Variants in MYRFL observed in about 807,000 individuals in gnomAD.
MYRFL encodes myelin regulatory factor like.
A neutral mutation model predicts 109.4 loss-of-function variants in MYRFL; 88 were observed. The ratio of observed to expected loss-of-function variants is 0.80; its 90% CI spans 0.68 to 0.96. MYRFL has a LOEUF of 0.96. Among genes scored for constraint, MYRFL ranks in the 40% least tolerant of loss-of-function variants. The probability of loss-of-function intolerance (pLI) is 0.00; values close to 1 mark genes in which losing one functional copy is unlikely to be tolerated. For synonymous variants in MYRFL, 324 were observed against 320.9 expected, an observed-to-expected ratio of 1.01 and a Z score of -0.10; for missense variants, 957 against 954.9, an observed-to-expected ratio of 1.00 and a Z score of -0.03.
At chr12:69,929,914 G>A (rs1380810196) in intron 15 of MYRFL, among the ~76,000 whole-genome samples, 2 of 152,222 alleles carry the variant, frequency 1.3e-5, no homozygotes, top group African/African-American at 2.4e-5. Flanking sequence ...GCACTTAGAA[G>A]GGTGCATGGC....
chr12:69,837,281 C>A (rs573703562), intron 1 of MYRFL, among the ~76,000 whole-genome samples: 1 of 152,280 alleles, frequency 6.6e-6, no homozygotes, highest in South Asian at 2.1e-4. Context: ...CTTCTATCCT[C>A]CTCTCACTCA....
At chr12:69,906,530 G>A (rs1166993371) in intron 11 of MYRFL, among the ~76,000 whole-genome samples, 1 of 151,850 alleles carries the variant, frequency 6.6e-6, no homozygotes, top group East Asian at 1.9e-4. Flanking sequence ...GGTGAAGGCT[G>A]AAAAAAGGTA....
At chr12:69,848,728 T>G (rs538686775) in intron 1 of MYRFL, among the ~76,000 whole-genome samples, 3 of 152,210 alleles carry the variant, frequency 2.0e-5, no homozygotes, top group Admixed American at 6.5e-5. Context: ...ATTTTCTTGA[T>G]TAAGTGGGAT....
intron 2 of MYRFL, among the ~76,000 whole-genome samples, chr12:69,861,270 G>A (rs887592270): frequency 1.3e-3 from 199 of 152,096 alleles, no homozygotes; most frequent in Non-Finnish European, 2.4e-3. Context: ...CCCAGTAATG[G>A]GATGGCTGGG....
At chr12:69,956,201 A>C (rs73324221) in intron 22 of MYRFL, among the ~76,000 whole-genome samples, 6 of 151,892 alleles carry the variant, frequency 4.0e-5, no homozygotes, top group African/African-American at 1.2e-4. Flanking sequence ...AAAAAAAAAA[A>C]AACACATTCT....
chr12:69,921,257 G>A (rs537599264), intron 13 of MYRFL, among the ~76,000 whole-genome samples: 24 of 152,172 alleles, frequency 1.6e-4, no homozygotes, highest in Middle Eastern at 3.4e-3. Context: ...GCCCAGGCTG[G>A]TCTTCGAACT....
intron 8 of MYRFL, among the ~76,000 whole-genome samples, chr12:69,894,953 A>C (rs571883887): frequency 5.9e-5 from 9 of 152,336 alleles, no homozygotes; most frequent in African/African-American, 2.2e-4. Flanking sequence ...CTGCTAGGCT[A>C]AGAGAGGCAA....
chr12:69,952,543 A>G (rs533718864), intron 20 of MYRFL, among the ~76,000 whole-genome samples: 1 of 152,348 alleles, frequency 6.6e-6, no homozygotes, highest in Admixed American at 6.5e-5. Context: ...TGGTCCAGAA[A>G]TTCTTTTGAA....
At chr12:69,829,260 T>A (rs1232334602) in intron 1 of MYRFL, among the ~76,000 whole-genome samples, 1 of 152,102 alleles carries the variant, frequency 6.6e-6, no homozygotes, top group Non-Finnish European at 1.5e-5. Flanking sequence ...GTCTCGCTGC[T>A]TAAGATTTAA....
intron 6 of MYRFL, among the ~76,000 whole-genome samples, chr12:69,888,120 A>G (rs1047778415): frequency 1.3e-5 from 2 of 152,218 alleles, no homozygotes; most frequent in Non-Finnish European, 2.9e-5. Flanking sequence ...AACATTTTTA[A>G]GTTTGTTTGA....
intron 2 of MYRFL, among the ~76,000 whole-genome samples, chr12:69,874,336 C>G (rs575129228): frequency 1.6e-4 from 24 of 152,198 alleles, no homozygotes; most frequent in African/African-American, 5.8e-4. Flanking sequence ...TGCCACCACG[C>G]CCTGCTAATT....
At chr12:69,846,046 A>G (rs900137222) in intron 1 of MYRFL, among the ~76,000 whole-genome samples, 3 of 150,834 alleles carry the variant, frequency 2.0e-5, no homozygotes, top group Admixed American at 6.6e-5. Flanking sequence ...CAGCACAAAT[A>G]AACTCCTTGC....
chr12:69,900,941 C>A (rs1324965951), intron 10 of MYRFL, among the ~76,000 whole-genome samples: 1 of 152,112 alleles, frequency 6.6e-6, no homozygotes, highest in Non-Finnish European at 1.5e-5. Context: ...GAGAGTGTGT[C>A]GAGAATAACT....
intron 1 of MYRFL, among the ~76,000 whole-genome samples, chr12:69,837,890 A>C (rs185291445): frequency 7.2e-4 from 109 of 152,316 alleles, no homozygotes; most frequent in Admixed American, 1.2e-3. Context: ...GACACCTGGA[A>C]GGAGGGAACT....
intron 6 of MYRFL, among the ~76,000 whole-genome samples, chr12:69,889,201 C>A (rs574321428): frequency 5.3e-5 from 8 of 151,784 alleles, no homozygotes; most frequent in Non-Finnish European, 8.8e-5. Flanking sequence ...CCTCTGCTTG[C>A]AGAGAGCTTC....
At chr12:69,861,092 G>T (rs1884632248) in intron 2 of MYRFL, among the ~76,000 whole-genome samples, 1 of 149,582 alleles carries the variant, frequency 6.7e-6, no homozygotes, top group South Asian at 2.1e-4. Flanking sequence ...ATTTTTTATG[G>T]CTGCATAGTA....
At chr12:69,873,236 G>C (rs1162573966) in intron 2 of MYRFL, among the ~76,000 whole-genome samples, 1 of 152,106 alleles carries the variant, frequency 6.6e-6, no homozygotes, top group African/African-American at 2.4e-5. Flanking sequence ...ATTAATGATA[G>C]ATGATGAGCT....
chr12:69,871,789 T>G (rs1206715272), intron 2 of MYRFL, among the ~76,000 whole-genome samples: 1 of 152,172 alleles, frequency 6.6e-6, no homozygotes, highest in Non-Finnish European at 1.5e-5. Context: ...GTTTGAATCA[T>G]TGCCTTGTTT....
chr12:69,902,520 T>C (rs1298785214), intron 10 of MYRFL, among the ~76,000 whole-genome samples: 2 of 152,066 alleles, frequency 1.3e-5, no homozygotes, highest in Non-Finnish European at 2.9e-5. Context: ...TCTATGCATA[T>C]TCAGGTGCTG....
Sources: gnomAD v4.1 joint callset for allele counts (sites outside exome capture counted in the v4.1 genomes callset) on GRCh38, gnomAD v4.1.1 for gene constraint, MANE v1.5 for transcripts, NCBI Gene and HGNC (gene_info 2026-07-23, HGNC 2026-07-21) for gene names.